Variants in SLC39A11 observed in about 807,000 individuals in gnomAD.
The protein encoded by SLC39A11 is solute carrier family 39 member 11.
Under a neutral mutation model 36.1 loss-of-function variants are expected in SLC39A11, and 33 were observed. The ratio of observed to expected loss-of-function variants is 0.91; its 90% CI spans 0.69 to 1.22. The LOEUF (loss-of-function observed/expected upper bound fraction) is 1.22. SLC39A11 is among the 50% of genes most tolerant of loss of function. The pLI is 0.00. For synonymous variants in SLC39A11, 166 were observed against 170.3 expected (o/e 0.97, Z 0.20); for missense variants, 432 against 430.3 (o/e 1.00, Z -0.03).
chr17:72,800,741 G>A (rs564357831), intron 6 of SLC39A11, among the ~76,000 whole-genome samples: 5 of 152,310 alleles, frequency 3.3e-5, no homozygotes, highest in East Asian at 1.9e-4. Flanking sequence ...GGCAGAGAGC[G>A]ATGGCTCAAA....
At chr17:72,787,253 CT>C (rs56100121) in intron 6 of SLC39A11, among the ~76,000 whole-genome samples, 1,247 of 80,408 alleles carry the variant, frequency 0.016, 1 homozygote, top group Middle Eastern at 0.1. Flanking sequence ...TAACCCATGG[CT>C]TTTTTTTTTT....
chr17:72,790,537 CT>C (rs1555673415), intron 6 of SLC39A11, among the ~76,000 whole-genome samples: 153 of 145,136 alleles, frequency 1.1e-3, no homozygotes, highest in Middle Eastern at 3.6e-3. Flanking sequence ...CTCTCTCTCT[CT>C]TTTTTTTTTT....
chr17:72,748,850 C>T (rs1381145945), intron 6 of SLC39A11, among the ~76,000 whole-genome samples: 5 of 152,206 alleles, frequency 3.3e-5, no homozygotes, highest in Non-Finnish European at 5.9e-5. Flanking sequence ...GCACCATGGT[C>T]GTCCACACCT....
intron 3 of SLC39A11, among the ~76,000 whole-genome samples, chr17:73,052,565 T>C (rs1170205199): frequency 6.6e-6 from 1 of 152,080 alleles, no homozygotes; most frequent in African/African-American, 2.4e-5. Flanking sequence ...TAAAGGCATA[T>C]AAAATAACAT....
At chr17:72,809,543 C>G (rs2077370536) in intron 6 of SLC39A11, among the ~76,000 whole-genome samples, 1 of 152,192 alleles carries the variant, frequency 6.6e-6, no homozygotes, top group Non-Finnish European at 1.5e-5. Context: ...TTTCTCTACT[C>G]TTTGTCCATT....
At chr17:72,715,633 G>A (rs1054687256) in intron 7 of SLC39A11, among the ~76,000 whole-genome samples, 2 of 152,184 alleles carry the variant, frequency 1.3e-5, no homozygotes, top group African/African-American at 4.8e-5. Flanking sequence ...GTTGCCAGGG[G>A]CTGGGGGGAG....
intron 6 of SLC39A11, among the ~76,000 whole-genome samples, chr17:72,820,928 C>A (rs1453361039): frequency 6.6e-6 from 1 of 151,022 alleles, no homozygotes; most frequent in Non-Finnish European, 1.5e-5. Flanking sequence ...TACAGAATAG[C>A]AGGGCCTTGG....
At chr17:73,088,297 AAAAAAAAG>A (rs1333897188) in intron 2 of SLC39A11, among the ~76,000 whole-genome samples, 1 of 151,130 alleles carries the variant, frequency 6.6e-6, no homozygotes, top group Non-Finnish European at 1.5e-5. Context: ...CTGTCTCAAA[AAAAAAAAG>A]AAAAAAGAAA....
chr17:73,061,542 A>G (rs190046308), intron 3 of SLC39A11, among the ~76,000 whole-genome samples: 7 of 152,346 alleles, frequency 4.6e-5, no homozygotes, highest in African/African-American at 1.7e-4. Flanking sequence ...TCCAAGTCAA[A>G]TCACCTATGA....
intron 7 of SLC39A11, among the ~76,000 whole-genome samples, chr17:72,729,434 TATATATATATATATATATATATA>T (rs1567994814): frequency 0.025 from 85 of 3,452 alleles, 2 homozygotes; most frequent in African/African-American, 0.043. Flanking sequence ...TATATATATA[TATATATATATATATATATATATA>T]TTTTTTTTTT....
intron 7 of SLC39A11, among the ~76,000 whole-genome samples, chr17:72,683,279 T>C (rs1258778182): frequency 6.6e-6 from 1 of 151,366 alleles, no homozygotes; most frequent in Non-Finnish European, 1.5e-5. Flanking sequence ...AAGGAAGAAA[T>C]AGATCCAATG....
chr17:72,721,165 C>T (rs374517477), intron 7 of SLC39A11, among the ~76,000 whole-genome samples: 2 of 150,364 alleles, frequency 1.3e-5, no homozygotes, highest in African/African-American at 4.9e-5. Flanking sequence ...AGCGCGATCT[C>T]GGCTCACTGC....
At chr17:73,048,435 C>G (rs1379120724) in intron 3 of SLC39A11, among the ~76,000 whole-genome samples, 1 of 152,170 alleles carries the variant, frequency 6.6e-6, no homozygotes, top group Non-Finnish European at 1.5e-5. Context: ...CCCAGTCCAC[C>G]ACGGATGGGC....
At chr17:72,803,940 C>T (rs529096889) in intron 6 of SLC39A11, among the ~76,000 whole-genome samples, 4 of 150,808 alleles carry the variant, frequency 2.7e-5, no homozygotes, top group Non-Finnish European at 5.9e-5. Flanking sequence ...ACATGAATAC[C>T]CTATGTTTAT....
chr17:73,027,265 C>A lies in SLC39A11; in HGVS notation c.306+4291G>T, dbSNP rs151173311. The stretch of plus-strand genomic sequence containing the variant: ...GTGTCCTGTCTGTTTCTGCCTAGAA[C>A]CATCCTAAGGGGAGCATGGGCTCCA... On this transcript the variant is annotated intron_variant, in intron 4 of 9. Coordinates refer to ENST00000255559, the MANE Select transcript of SLC39A11 (RefSeq NM_139177.4). 9.8e-5 allele frequency among the ~76,000 whole-genome samples: 15 copies of A among 152,332 alleles called. No homozygotes were observed. The East Asian group carries it at 2.9e-3, about 29-fold the overall frequency.
intron 7 of SLC39A11, among the ~76,000 whole-genome samples, chr17:72,659,764 TA>T (rs1255284021): frequency 6.6e-6 from 1 of 151,768 alleles, no homozygotes; most frequent in Non-Finnish European, 1.5e-5. Flanking sequence ...TATTTTATTT[TA>T]TTTTTTTGTA....
intron 7 of SLC39A11, among the ~76,000 whole-genome samples, chr17:72,683,553 T>C (rs2071603831): frequency 6.6e-6 from 1 of 151,888 alleles, no homozygotes; most frequent in Non-Finnish European, 1.5e-5. Flanking sequence ...CCCAGGCTGG[T>C]CTCGGACTCC....
intron 6 of SLC39A11, among the ~76,000 whole-genome samples, chr17:72,792,931 G>A (rs943562950): frequency 2.0e-5 from 3 of 152,168 alleles, no homozygotes; most frequent in African/African-American, 7.2e-5. Flanking sequence ...GTTAGGACCA[G>A]ACACACAAAG....
At chr17:72,650,276 G>A (rs1229342253) in intron 7 of SLC39A11, among the ~76,000 whole-genome samples, 1 of 152,210 alleles carries the variant, frequency 6.6e-6, no homozygotes, top group East Asian at 1.9e-4. Flanking sequence ...TCTTTGAGAA[G>A]CTGCTTTCTG....
Sources: allele counts gnomAD v4.1 joint callset (sites outside exome capture counted in the v4.1 genomes callset), GRCh38; gene constraint gnomAD v4.1.1; transcripts MANE v1.5; gene names NCBI Gene and HGNC (gene_info 2026-07-23, HGNC 2026-07-21).